MYO10: variants seen among roughly 807,000 people sequenced by gnomAD.
The protein encoded by MYO10 is myosin X.
Under a neutral mutation model 257.3 loss-of-function variants are expected in MYO10, and 133 were observed. The observed-to-expected ratio is 0.52, with a 90% CI of 0.45 to 0.60. The LOEUF (loss-of-function observed/expected upper bound fraction) is 0.60, where lower values mean the gene tolerates loss of function less well. Among genes scored for constraint, MYO10 ranks in the 20% least tolerant of loss-of-function variants. The pLI is 0.00. For missense variants in MYO10, 2,399 were observed against 2,635.7 expected (o/e 0.91, Z 1.97); for synonymous variants, 1,104 against 1,028.6 (o/e 1.07, Z -1.40).
At chr5:16,671,665 A>G (rs919011799) in intron 37 of MYO10, 123 bp from the exon 38 acceptor site, 31 of 1,225,996 alleles carry the variant, frequency 2.5e-5, no homozygotes, top group Non-Finnish European at 3.5e-5. Context: ...CCCAGAAAAC[A>G]GTGGATAGAG....
Position 16,664,370 on chromosome 5 carries a change from G to A in MYO10, c.*2322C>T, listed in dbSNP as rs1192243799. Reference sequence around the variant, plus strand: ...CAGAGGGAATCCTGAGAGGTGAGCAGTAGAAAGAAGACTTCTGTCAAATTC... The same window carrying A: ...CAGAGGGAATCCTGAGAGGTGAGCAATAGAAAGAAGACTTCTGTCAAATTC... On this transcript the variant is annotated 3_prime_UTR_variant, in exon 41 of 41. Transcript: ENST00000513610. 6.6e-6 allele frequency: 1 copy of A among 152,192 alleles called. No individual in the cohort carries two copies. The highest frequency in any genetic ancestry group is 1.5e-5 in the Non-Finnish European group (1 of 68,042). The allele number at this position is 152,192 out of a possible 1,614,324, so 9.4% of individuals were successfully genotyped here.
intron 2 of MYO10, among the ~76,000 whole-genome samples, chr5:16,838,812 A>C (rs2126724935): frequency 6.6e-6 from 1 of 152,328 alleles, no homozygotes; most frequent in Non-Finnish European, 1.5e-5. Flanking sequence ...CTCATTTACC[A>C]TTCTGAAAAC....
chr5:16,846,043 G>T (rs1249665530), intron 2 of MYO10, among the ~76,000 whole-genome samples: 2 of 152,108 alleles, frequency 1.3e-5, no homozygotes, highest in Admixed American at 1.3e-4. Context: ...ACAACTCTAT[G>T]TTGGTCTCCT....
chr5:16,828,544 G>C (rs555237431), intron 2 of MYO10, among the ~76,000 whole-genome samples: 21 of 150,206 alleles, frequency 1.4e-4, no homozygotes, highest in Admixed American at 2.7e-4. Context: ...CACTTAAACC[G>C]AGGAGGTGCA....
chr5:16,792,130 CACAG>C (rs1253783070), intron 4 of MYO10, among the ~76,000 whole-genome samples: 3 of 80,606 alleles, frequency 3.7e-5, no homozygotes, highest in Non-Finnish European at 9.9e-5. Flanking sequence ...CACACACACA[CACAG>C]AGAGAGAGAG....
rs762645065 is a variant in MYO10 at position 16,783,388 on chromosome 5, T to C, written c.549A>G (p.Glu183=). Residue 183 remains glutamate, a synonymous_variant, in exon 5 of 41, where the codon GAA becomes GAG. Coordinates refer to ENST00000513610, the MANE Select transcript of MYO10 (RefSeq NM_012334.3). ...FLSVISQQSL[E]LSLKEKTSCV... is the part of the protein sequence containing the mutation. ...AGGATGTCTTCTCCTTTAAGGACAA[T>C]TCCAAAGACTGTTGACTGATGACTG... The C allele has an allele frequency of 1.2e-6, 2 of 1,606,110 alleles. No individual in the cohort carries two copies. The highest frequency in any genetic ancestry group is 3.4e-5 in the Admixed American group (2 of 58,836).
At chr5:16,854,003 C>T (rs901271396) in intron 2 of MYO10, 6 of 152,046 alleles carry the variant, frequency 3.9e-5, no homozygotes, top group African/African-American at 1.4e-4. Context: ...AGTCTACGGC[C>T]TTACTATCCT....
Position 16,665,221 on chromosome 5 carries a change from A to AC in MYO10, c.*1470dup, listed in dbSNP as rs1013727423. ...CTGTCTCTAAAGAAAAAAAAAAAAA[A>AC]CCACCAAAAAGCCAAAACAAAAATA... On this transcript the variant is annotated 3_prime_UTR_variant, in exon 41 of 41. Transcript: ENST00000513610. The AC allele has an allele frequency of 4.7e-5, 7 of 149,806 alleles. No homozygotes were observed. Among genetic ancestry groups the AC allele is most frequent in the African/African-American group, 7.3e-5 (3 of 40,822 alleles). The allele number at this position is 149,806 out of a possible 1,614,324, so 9.3% of individuals were successfully genotyped here. A position where few individuals can be genotyped will look rare whatever the true frequency, so the allele number is the denominator to read the frequency against.
chr5:16,890,530 T>A lies in MYO10; in HGVS notation c.22-12823A>T, dbSNP rs563585344. Among the ~76,000 whole-genome samples, 3 of 151,956 alleles carry A rather than the reference T, an allele frequency of 2.0e-5. 1 individual carries two copies. The highest frequency in any genetic ancestry group is 7.3e-5 in the African/African-American group (3 of 41,238). On this transcript the variant is annotated intron_variant, in intron 1 of 40. Transcript: ENST00000513610. ...TGGATTTTTTTTTAATGTGGTCTATTCATACAATGGAATATTATTCAACTA... is the reference window on the plus strand; with the variant it reads ...TGGATTTTTTTTTAATGTGGTCTATACATACAATGGAATATTATTCAACTA...
At chr5:16,672,635 G>GC (rs940447674) in intron 37 of MYO10, 54 bp downstream of exon 37, 1 of 1,603,950 alleles carries the variant, frequency 6.2e-7, no homozygotes, top group African/African-American at 1.3e-5. Context: ...CCTGAACCCT[G>GC]CTCTGCAATT....
chr5:16,697,642 G>A (rs182662121), intron 26 of MYO10, among the ~76,000 whole-genome samples: 20 of 151,160 alleles, frequency 1.3e-4, no homozygotes, highest in Non-Finnish European at 2.2e-4. Context: ...AGGCTGCAGT[G>A]AGCCACGACT....
In MYO10 at chr5:16,674,912, C is replaced by T. The variant is rs530653607; in HGVS notation, c.4905G>A (p.Leu1635=). Reference sequence around the variant, plus strand: ...CTCGACTCGGCAGGAAGGTGCAGCTCAGGCATGTCAGGATCTGCCAGCTGT... The same window carrying T: ...CTCGACTCGGCAGGAAGGTGCAGCTTAGGCATGTCAGGATCTGCCAGCTGT... ...NLYSWQILTC[L]SCTFLPSRGI... is the part of the protein sequence containing the mutation. The change falls in exon 35 of 41, where the codon CTG becomes CTA. Residue 1635 remains leucine, a synonymous_variant. Transcript: ENST00000513610. 6.2e-7 allele frequency: 1 copy of T among 1,614,002 alleles called. No homozygotes were observed. Among genetic ancestry groups the T allele is most frequent in the Admixed American group, 1.7e-5 (1 of 60,024 alleles).
chr5:16,887,181 G>C (rs1370320750), intron 1 of MYO10, among the ~76,000 whole-genome samples: 2 of 152,120 alleles, frequency 1.3e-5, no homozygotes, highest in Admixed American at 6.5e-5. Flanking sequence ...CCTGCCCACA[G>C]TGTCAAACTC....
At chr5:16,873,003 AT>A (rs1344641128) in intron 2 of MYO10, among the ~76,000 whole-genome samples, 1 of 152,152 alleles carries the variant, frequency 6.6e-6, no homozygotes, top group Non-Finnish European at 1.5e-5. Flanking sequence ...ATGTCCTCAC[AT>A]TTCAAAACCA....
At chr5:16,888,746 T>TA (rs77280334) in intron 1 of MYO10, among the ~76,000 whole-genome samples, 2,980 of 146,024 alleles carry the variant, frequency 0.02, 88 homozygotes, top group African/African-American at 0.047. Flanking sequence ...CCCCATCTCT[T>TA]AAAAAAAAAA....
At chr5:16,715,541 C>T (rs1419550419) in intron 19 of MYO10, among the ~76,000 whole-genome samples, 2 of 147,502 alleles carry the variant, frequency 1.4e-5, no homozygotes, top group Non-Finnish European at 3.0e-5. Flanking sequence ...TTCAAGTAAT[C>T]TGCCTGCCTC....
At chr5:16,693,759 C>A (rs1019586596) in intron 27 of MYO10, among the ~76,000 whole-genome samples, 3 of 152,138 alleles carry the variant, frequency 2.0e-5, no homozygotes, top group Admixed American at 6.6e-5. Flanking sequence ...TAACTCCCAA[C>A]AATTTTCTGG....
At position 16,698,237 on chromosome 5, in the gene MYO10, C is replaced by T. The variant is rs542619979; in HGVS notation, c.3556+1213G>A. ...AATTAGCCTGGCATGATGGTGTGCG[C>T]CTGCAGTCCTAGCTCCTATGAAGGC... On this transcript the variant is annotated intron_variant, in intron 26 of 40. Transcript: ENST00000513610. Among the ~76,000 whole-genome samples the T allele has an allele frequency of 3.9e-5, 6 of 152,194 alleles. No individual in the cohort carries two copies. In the South Asian group the frequency reaches 1.2e-3, roughly 32 times the overall value.
intron 2 of MYO10, among the ~76,000 whole-genome samples, chr5:16,843,452 G>A (rs1159862387): frequency 1.0e-5 from 1 of 95,534 alleles, no homozygotes; most frequent in African/African-American, 6.2e-5. Context: ...TATCCCAAAA[G>A]ACTGAAGCCC....
Sources: allele counts gnomAD v4.1 joint callset (sites outside exome capture counted in the v4.1 genomes callset), GRCh38; gene constraint gnomAD v4.1.1; transcripts MANE v1.5; gene names NCBI Gene and HGNC (gene_info 2026-07-23, HGNC 2026-07-21).